The following BLOC1S6 variants were observed in gnomAD, a reference collection of about 807,000 sequenced individuals.
BLOC1S6 encodes the protein biogenesis of lysosome-related organelles complex 1 subunit 6.
A neutral mutation model predicts 24.7 loss-of-function variants in BLOC1S6; 24 were observed. That is an observed-to-expected ratio of 0.97 (90% CI 0.70 to 1.37). The LOEUF is 1.37. Ranked by LOEUF, BLOC1S6 falls within the 40% of genes most tolerant of loss-of-function variation. The pLI, the probability that BLOC1S6 is intolerant of heterozygous loss-of-function variation, is 0.00. For synonymous variants in BLOC1S6, 76 were observed against 72.6 expected, an observed-to-expected ratio of 1.05 and a Z score of -0.23; for missense variants, 175 against 196.2, an observed-to-expected ratio of 0.89 and a Z score of 0.64.
chr15:45,606,936 T>C lies in BLOC1S6; in HGVS notation c.*422T>C, dbSNP rs1452722756. 5.4e-6 allele frequency: 1 copy of C among 185,336 alleles called. No individual in the cohort carries two copies. Among genetic ancestry groups the C allele is most frequent in the African/African-American group, 2.4e-5 (1 of 41,774 alleles). The allele number at this position is 185,336 out of a possible 1,614,324, so 11.5% of individuals were successfully genotyped here. Reference sequence around the variant, plus strand: ...TGATTTTTTAGTAATTGCCTTTTCATTACTTTGTTAAGAAGAAATGCCAGC... The same window carrying C: ...TGATTTTTTAGTAATTGCCTTTTCACTACTTTGTTAAGAAGAAATGCCAGC... On this transcript the variant is annotated 3_prime_UTR_variant, in exon 5 of 5. Transcript: ENST00000220531.
intron 4 of BLOC1S6, among the ~76,000 whole-genome samples, chr15:45,605,961 T>C (rs1258819963): frequency 6.6e-6 from 1 of 152,196 alleles, no homozygotes; most frequent in African/African-American, 2.4e-5. Flanking sequence ...TGTTTTCTTT[T>C]TAAAAATGTC....
At chr15:45,593,373 A>G (rs1893952548) in intron 2 of BLOC1S6, among the ~76,000 whole-genome samples, 1 of 134,018 alleles carries the variant, frequency 7.5e-6, no homozygotes, top group African/African-American at 2.9e-5. Context: ...TGACAGAGTG[A>G]GACTCTGTCT....
chr15:45,602,446 G>T, intron 2 of BLOC1S6: 1 of 598,706 alleles, frequency 1.7e-6, no homozygotes, highest in East Asian at 2.8e-5. Flanking sequence ...AAATATCAAG[G>T]AAGTTGGCTT....
chr15:45,597,048 A>G (rs909095728), intron 2 of BLOC1S6, among the ~76,000 whole-genome samples: 1 of 152,176 alleles, frequency 6.6e-6, no homozygotes. Context: ...TCAATGTTGT[A>G]TTGGCTCTTC....
At chr15:45,601,052 G>GT (rs1249432824) in intron 2 of BLOC1S6, among the ~76,000 whole-genome samples, 1 of 152,106 alleles carries the variant, frequency 6.6e-6, no homozygotes, top group East Asian at 1.9e-4. Context: ...TATACACTAT[G>GT]TTTTTTCCTA....
chr15:45,605,887 G>T, intron 4 of BLOC1S6: 1 of 271,080 alleles, frequency 3.7e-6, no homozygotes, highest in Non-Finnish European at 7.1e-6. Context: ...ACTGTGCCCG[G>T]CCAGTATTCA....
At chr15:45,605,332 G>T in intron 3 of BLOC1S6, 96 bp from the exon 4 acceptor site, 1 of 984,204 alleles carries the variant, frequency 1.0e-6, no homozygotes, top group East Asian at 2.7e-5. Context: ...GACCAATTTA[G>T]GAAGCACAAA....
Position 45,587,434 on chromosome 15 carries a change from C to T in BLOC1S6, c.-10C>T. The T allele has an allele frequency of 1.3e-6, 2 of 1,571,924 alleles. No individual in the cohort carries two copies. Among genetic ancestry groups the T allele is most frequent in the Non-Finnish European group, 1.7e-6 (2 of 1,157,616 alleles). On this transcript the variant is annotated 5_prime_UTR_variant, in exon 1 of 5. Coordinates refer to ENST00000220531, the MANE Select transcript of BLOC1S6 (RefSeq NM_012388.4). The stretch of plus-strand genomic sequence containing the variant: ...GTTTGCTTCTTCCCTGTGTTCCCAG[C>T]TGGAGGGACATGAGTGTCCCTGGGC...
At chr15:45,588,618 G>A (rs1194812292) in intron 1 of BLOC1S6, among the ~76,000 whole-genome samples, 1 of 152,104 alleles carries the variant, frequency 6.6e-6, no homozygotes, top group East Asian at 1.9e-4. Context: ...CATCTGTCCC[G>A]CTGCTGTCAC....
Position 45,587,427 on chromosome 15 carries a change from T to C in BLOC1S6, c.-17T>C. The C allele has an allele frequency of 6.4e-7, 1 of 1,566,710 alleles. No individual in the cohort carries two copies. The highest frequency in any genetic ancestry group is 8.7e-7 in the Non-Finnish European group (1 of 1,154,576). On this transcript the variant is annotated 5_prime_UTR_variant, in exon 1 of 5. Transcript: ENST00000220531. ...GCCACACGTTTGCTTCTTCCCTGTGTTCCCAGCTGGAGGGACATGAGTGTC... is the reference window on the plus strand; with the variant it reads ...GCCACACGTTTGCTTCTTCCCTGTGCTCCCAGCTGGAGGGACATGAGTGTC...
chr15:45,590,813 T>C (rs1893856811), intron 1 of BLOC1S6, among the ~76,000 whole-genome samples: 1 of 152,212 alleles, frequency 6.6e-6, no homozygotes, highest in Admixed American at 6.5e-5. Context: ...TGATGTAATT[T>C]GATGTTACTG....
At chr15:45,591,896 G>T (rs1893899547) in intron 1 of BLOC1S6, 2 of 511,564 alleles carry the variant, frequency 3.9e-6, no homozygotes, top group Non-Finnish European at 7.0e-6. Context: ...GGGAGACTGT[G>T]TGTGTGCCCT....
chr15:45,588,469 T>G (rs1042745236), intron 1 of BLOC1S6, among the ~76,000 whole-genome samples: 22 of 152,228 alleles, frequency 1.4e-4, no homozygotes, highest in Admixed American at 6.5e-5. Context: ...ACTTGAAACT[T>G]TGAAATTGCT....
At chr15:45,587,680 CG>C in intron 1 of BLOC1S6, 155 bp downstream of exon 1, 1 of 777,762 alleles carries the variant, frequency 1.3e-6, no homozygotes. Context: ...GGAACCGCGC[CG>C]GCCCCTCTGC....
chr15:45,589,748 C>T (rs927448276), intron 1 of BLOC1S6, among the ~76,000 whole-genome samples: 4 of 152,110 alleles, frequency 2.6e-5, no homozygotes, highest in African/African-American at 9.7e-5. Flanking sequence ...TCTTTACTCT[C>T]GCACAATAAA....
chr15:45,603,230 TAGCAATAGCTAAGACTTAGCTA>T lies in BLOC1S6; in HGVS notation c.312+58_312+79del, dbSNP rs142847932. The T allele has an allele frequency of 0.014, 19,035 of 1,313,094 alleles. 2,347 individuals carry two copies. In the African/African-American group the frequency reaches 0.25, roughly 17 times the overall value. The allele number at this position is 1,313,094 out of a possible 1,614,324, so 81.3% of individuals were successfully genotyped here. On this transcript the variant is annotated intron_variant, in intron 3 of 4. Transcript: ENST00000220531. ...GATGTAATTTAATGACATCTTGTCT[TAGCAATAGCTAAGACTTAGCTA>T]AGCAATAGCTAAGATTTTAAGCTTA...
At chr15:45,602,648 C>T (rs1378991840) in intron 2 of BLOC1S6, among the ~76,000 whole-genome samples, 1 of 152,156 alleles carries the variant, frequency 6.6e-6, no homozygotes, top group Admixed American at 6.6e-5. Flanking sequence ...CATCTTACTG[C>T]TTAATTATTC....
rs1009007553 is a variant in BLOC1S6 at position 45,608,747 on chromosome 15, A to C, written c.*2233A>C. On this transcript the variant is annotated 3_prime_UTR_variant, in exon 5 of 5. Coordinates refer to ENST00000220531, the MANE Select transcript of BLOC1S6 (RefSeq NM_012388.4). ...CTACGTATTTTTTAAAAAACTCTCC[A>C]GATAATTTTGATGTCACGAGTCACT... 1 of 152,180 alleles carries C rather than the reference A, an allele frequency of 6.6e-6. No homozygotes were observed. Among genetic ancestry groups the C allele is most frequent in the African/African-American group, 2.4e-5 (1 of 41,450 alleles). The allele number at this position is 152,180 out of a possible 1,614,324, so 9.4% of individuals were successfully genotyped here.
intron 1 of BLOC1S6, chr15:45,587,895 T>C (rs1893742607): frequency 1.6e-6 from 1 of 628,604 alleles, no homozygotes; most frequent in Admixed American, 2.6e-5. Flanking sequence ...TCCTATAATA[T>C]TGACCACTCA....
Sources: allele counts gnomAD v4.1 joint callset (sites outside exome capture counted in the v4.1 genomes callset), GRCh38; gene constraint gnomAD v4.1.1; transcripts MANE v1.5; gene names NCBI Gene and HGNC (gene_info 2026-07-23, HGNC 2026-07-21).